The following SPTLC2 variants were observed in gnomAD, a reference collection of about 807,000 sequenced individuals.
SPTLC2 encodes the protein serine palmitoyltransferase long chain base subunit 2.
In SPTLC2, 21 loss-of-function variants were observed where a neutral mutation model predicts 62.0. The ratio of observed to expected loss-of-function variants is 0.34; its 90% CI spans 0.24 to 0.49. The LOEUF is 0.49. Ranked by LOEUF, SPTLC2 falls within the 20% of genes least tolerant of loss-of-function variation. The pLI is 0.99. For missense variants in SPTLC2, 511 were observed against 713.0 expected, an observed-to-expected ratio of 0.72 and a Z score of 3.23; for synonymous variants, 261 against 261.8, an observed-to-expected ratio of 1.00 and a Z score of 0.03.
chr14:77,521,388 T>C (rs2079384095), intron 10 of SPTLC2, 58 bp downstream of exon 10: 1 of 1,609,016 alleles, frequency 6.2e-7, no homozygotes, highest in East Asian at 2.2e-5. Flanking sequence ...TAAGCCCTGG[T>C]CTCACATCAC....
intron 2 of SPTLC2, among the ~76,000 whole-genome samples, chr14:77,593,351 T>C (rs1293762777): frequency 6.6e-6 from 1 of 152,184 alleles, no homozygotes; most frequent in Non-Finnish European, 1.5e-5. Context: ...TTATGTTGTG[T>C]CAGCTGGTCT....
At chr14:77,562,626 G>T in intron 5 of SPTLC2, 137 bp from the exon 6 acceptor site, 1 of 684,058 alleles carries the variant, frequency 1.5e-6, no homozygotes. Flanking sequence ...TCAATTTTAA[G>T]AAGAGGAAAA....
intron 1 of SPTLC2, among the ~76,000 whole-genome samples, chr14:77,614,151 T>TA (rs1427675954): frequency 6.6e-6 from 1 of 152,232 alleles, no homozygotes; most frequent in Non-Finnish European, 1.5e-5. Context: ...ATACAGATTT[T>TA]AAAATGTCAT....
chr14:77,602,054 G>A (rs1238207373), intron 1 of SPTLC2, among the ~76,000 whole-genome samples: 2 of 152,072 alleles, frequency 1.3e-5, no homozygotes, highest in African/African-American at 4.8e-5. Context: ...CTGCGGGGAC[G>A]CCTGCTTTGG....
chr14:77,604,219 T>C (rs1311058002), intron 1 of SPTLC2, among the ~76,000 whole-genome samples: 2 of 152,156 alleles, frequency 1.3e-5, no homozygotes, highest in Non-Finnish European at 2.9e-5. Flanking sequence ...AACCCTCTTT[T>C]ATGGGGATTT....
Position 77,555,513 on chromosome 14 carries a change from C to T in SPTLC2, c.963G>A (p.Glu321=), listed in dbSNP as rs182880965. The T allele has an allele frequency of 1.2e-6, 2 of 1,614,130 alleles. No individual in the cohort carries two copies. The highest frequency in any genetic ancestry group is 1.3e-5 in the African/African-American group (1 of 75,058). The change falls in exon 8 of 12, where the codon GAG becomes GAA. Residue 321 remains glutamate (E), a synonymous_variant. Coordinates refer to ENST00000216484, the MANE Select transcript of SPTLC2 (RefSeq NM_004863.4). ...LILVEGIYSM[E]GSIVRLPEVI... The stretch of plus-strand genomic sequence containing the variant: ...CTTCAGGAAGACGAACAATAGATCC[C>T]TCCATGCTGGCAAAACATGAAAAAA...
chr14:77,587,761 A>G (rs1196758127), intron 2 of SPTLC2, among the ~76,000 whole-genome samples: 1 of 148,294 alleles, frequency 6.7e-6, no homozygotes, highest in Non-Finnish European at 1.5e-5. Context: ...CTGTCTCAAA[A>G]TAATAATAAT....
chr14:77,570,297 A>T, intron 5 of SPTLC2, 87 bp downstream of exon 5: 1 of 1,545,170 alleles, frequency 6.5e-7, no homozygotes, highest in East Asian at 2.3e-5. Flanking sequence ...CCTAAAGTTT[A>T]TAACAGCTTT....
chr14:77,553,823 CT>C (rs2140019224), intron 8 of SPTLC2, among the ~76,000 whole-genome samples: 1 of 151,316 alleles, frequency 6.6e-6, no homozygotes, highest in East Asian at 1.9e-4. Flanking sequence ...AAAGAATGAC[CT>C]TTTTTTCTGT....
chr14:77,587,203 C>G (rs1168071304), intron 2 of SPTLC2, among the ~76,000 whole-genome samples: 1 of 151,864 alleles, frequency 6.6e-6, no homozygotes, highest in African/African-American at 2.4e-5. Flanking sequence ...ACTCCTCCAG[C>G]CTGGGTGACA....
intron 9 of SPTLC2, chr14:77,535,728 C>T (rs1056787333): frequency 1.6e-5 from 5 of 314,208 alleles, no homozygotes; most frequent in Non-Finnish European, 3.1e-5. Flanking sequence ...CGGATATCTA[C>T]AATTCCTGAT....
At chr14:77,581,598 G>C (rs2140043114) in intron 2 of SPTLC2, among the ~76,000 whole-genome samples, 1 of 151,808 alleles carries the variant, frequency 6.6e-6, no homozygotes, top group East Asian at 1.9e-4. Context: ...TTTTATTAAA[G>C]ACGGGGTTTC....
chr14:77,585,446 A>T (rs779230275), intron 2 of SPTLC2, among the ~76,000 whole-genome samples: 115 of 152,340 alleles, frequency 7.5e-4, no homozygotes, highest in Non-Finnish European at 1.4e-3. Context: ...TTCTAATTTA[A>T]TAACTTTTAC....
At chr14:77,595,016 C>A (rs948516299) in intron 2 of SPTLC2, among the ~76,000 whole-genome samples, 1 of 152,134 alleles carries the variant, frequency 6.6e-6, no homozygotes, top group Non-Finnish European at 1.5e-5. Flanking sequence ...AATCAACGTA[C>A]TGTAGATGCA....
intron 1 of SPTLC2, among the ~76,000 whole-genome samples, chr14:77,611,097 T>A (rs1299452164): frequency 7.5e-6 from 1 of 133,164 alleles, no homozygotes; most frequent in Non-Finnish European, 1.6e-5. Context: ...AGCGAGACCA[T>A]CCTGGCTAAC....
At chr14:77,520,080 C>G (rs1010645213) in intron 10 of SPTLC2, among the ~76,000 whole-genome samples, 1 of 151,990 alleles carries the variant, frequency 6.6e-6, no homozygotes, top group African/African-American at 2.4e-5. Context: ...TTCTCTAAAT[C>G]TTTCCTAATT....
At position 77,542,224 on chromosome 14, in the gene SPTLC2, A is replaced by C. The variant is rs186780195; in HGVS notation, c.1303+9872T>G. 3.3e-5 allele frequency among the ~76,000 whole-genome samples: 5 copies of C among 152,270 alleles called. No individual in the cohort carries two copies. The East Asian group carries it at 5.8e-4, about 18-fold the overall frequency. Reference sequence around the variant, plus strand: ...CCAGAGTATACTGGTATTTGAATTTATTTCTTTTGTGTTTTTTTTCACATT... The same window carrying C: ...CCAGAGTATACTGGTATTTGAATTTCTTTCTTTTGTGTTTTTTTTCACATT... On this transcript the variant is annotated intron_variant, in intron 9 of 11. Transcript: ENST00000216484.
chr14:77,561,996 ATAGCT>A, intron 6 of SPTLC2, among the ~76,000 whole-genome samples: 1 of 152,378 alleles, frequency 6.6e-6, no homozygotes, highest in East Asian at 1.9e-4. Context: ...GCATCTATTC[ATAGCT>A]GTACTTCAGC....
intron 9 of SPTLC2, chr14:77,547,953 A>T (rs537036200): frequency 3.6e-5 from 5 of 138,480 alleles, no homozygotes; most frequent in East Asian, 2.1e-4. Flanking sequence ...TCTCAAGGTG[A>T]TCATTTAACA....
Sources: gnomAD v4.1 joint callset for allele counts (sites outside exome capture counted in the v4.1 genomes callset) on GRCh38, gnomAD v4.1.1 for gene constraint, MANE v1.5 for transcripts, NCBI Gene and HGNC (gene_info 2026-07-23, HGNC 2026-07-21) for gene names.